Variants in NCMAP observed in about 807,000 individuals in gnomAD.
NCMAP encodes noncompact myelin-associated protein.
NCMAP carries 8 observed loss-of-function variants against 7.8 expected under a neutral mutation model. The ratio of observed to expected loss-of-function variants is 1.02; its 90% CI spans 0.60 to 1.84. The LOEUF is 1.84. Ranked by LOEUF, NCMAP falls within the 40% of genes most tolerant of loss-of-function variation. The probability of loss-of-function intolerance (pLI) is 0.00; values close to 1 mark genes in which losing one functional copy is unlikely to be tolerated. For synonymous variants in NCMAP, 41 were observed against 52.9 expected (o/e 0.78, Z 0.98); for missense variants, 112 against 131.4 (o/e 0.85, Z 0.72).
At chr1:24,583,344 G>A (rs1651792443) in intron 1 of NCMAP, among the ~76,000 whole-genome samples, 2 of 152,136 alleles carry the variant, frequency 1.3e-5, no homozygotes, top group Non-Finnish European at 1.5e-5. Context: ...GTAGTACCAA[G>A]GATGAGAAAC....
intron 1 of NCMAP, among the ~76,000 whole-genome samples, chr1:24,558,434 GCTT>G (rs1160008201): frequency 2.0e-5 from 3 of 152,174 alleles, no homozygotes; most frequent in Non-Finnish European, 4.4e-5. Flanking sequence ...CTGACCATGA[GCTT>G]CTTGTTTCAT....
chr1:24,569,424 C>A (rs1651324952), intron 1 of NCMAP, among the ~76,000 whole-genome samples: 1 of 150,558 alleles, frequency 6.6e-6, no homozygotes, highest in Non-Finnish European at 1.5e-5. Context: ...CCCATTCCCA[C>A]CCCCTCCTCC....
chr1:24,607,039 G>A lies in NCMAP; in HGVS notation c.*1292G>A, dbSNP rs2148941499. 1 of 150,474 alleles carries A rather than the reference G, an allele frequency of 6.6e-6. No homozygotes were observed. Among genetic ancestry groups the A allele is most frequent in the African/African-American group, 2.4e-5 (1 of 40,828 alleles). The allele number at this position is 150,474 out of a possible 1,614,324, so 9.3% of individuals were successfully genotyped here. A position where few individuals can be genotyped will look rare whatever the true frequency, so the allele number is the denominator to read the frequency against. On this transcript the variant is annotated 3_prime_UTR_variant, in exon 4 of 4. Coordinates refer to ENST00000374392, the MANE Select transcript of NCMAP (RefSeq NM_001010980.5). Reference sequence around the variant, plus strand: ...AGACAGAGCCTCAATCTGTCACCTGGGCTGGAGTGCAGTGGCACGCTCACA... The same window carrying A: ...AGACAGAGCCTCAATCTGTCACCTGAGCTGGAGTGCAGTGGCACGCTCACA...
At chr1:24,573,372 G>A (rs1023050693) in intron 1 of NCMAP, among the ~76,000 whole-genome samples, 1 of 150,722 alleles carries the variant, frequency 6.6e-6, no homozygotes, top group African/African-American at 2.5e-5. Context: ...CGTGGATCAC[G>A]AGGTCAGGAG....
intron 1 of NCMAP, among the ~76,000 whole-genome samples, chr1:24,585,607 G>C (rs891292054): frequency 1.3e-5 from 2 of 152,166 alleles, no homozygotes; most frequent in Non-Finnish European, 2.9e-5. Flanking sequence ...GGAAAACCAA[G>C]GTCCAGGGAA....
At chr1:24,577,638 T>C (rs1651624491) in intron 1 of NCMAP, among the ~76,000 whole-genome samples, 1 of 151,964 alleles carries the variant, frequency 6.6e-6, no homozygotes, top group Non-Finnish European at 1.5e-5. Flanking sequence ...CATTTGGAGT[T>C]GAATTTTTTC....
At chr1:24,578,426 C>T (rs1651651760) in intron 1 of NCMAP, among the ~76,000 whole-genome samples, 1 of 147,548 alleles carries the variant, frequency 6.8e-6, no homozygotes, top group Non-Finnish European at 1.5e-5. Context: ...TTCCTAGAGC[C>T]TCCACAGAGG....
At chr1:24,578,310 T>C (rs1326241208) in intron 1 of NCMAP, among the ~76,000 whole-genome samples, 5 of 151,174 alleles carry the variant, frequency 3.3e-5, no homozygotes, top group African/African-American at 1.2e-4. Flanking sequence ...GTCTATGTGC[T>C]CCCGGGGGCT....
chr1:24,592,208 C>T (rs1038911506), intron 1 of NCMAP, among the ~76,000 whole-genome samples: 7 of 152,124 alleles, frequency 4.6e-5, no homozygotes, highest in African/African-American at 9.7e-5. Context: ...GTAGAACCAG[C>T]GAGTGAAGGG....
intron 1 of NCMAP, among the ~76,000 whole-genome samples, chr1:24,582,751 ATG>A (rs1651779426): frequency 6.6e-6 from 1 of 152,236 alleles, no homozygotes; most frequent in African/African-American, 2.4e-5. Context: ...AAGAAGATTA[ATG>A]TGTGTTGTTT....
At chr1:24,561,178 C>CAAAAAAAAA (rs755072214) in intron 1 of NCMAP, among the ~76,000 whole-genome samples, 67 of 103,680 alleles carry the variant, frequency 6.5e-4, no homozygotes, top group East Asian at 1.1e-3. Context: ...ACTAAAAATA[C>CAAAAAAAAA]AAAAAAAAAA....
chr1:24,584,586 T>C (rs1415183190), intron 1 of NCMAP, among the ~76,000 whole-genome samples: 2 of 152,068 alleles, frequency 1.3e-5, no homozygotes, highest in African/African-American at 4.8e-5. Context: ...CCCAGACTTC[T>C]GGAGCCACAG....
chr1:24,560,880 C>T (rs753778063), intron 1 of NCMAP, among the ~76,000 whole-genome samples: 1 of 152,060 alleles, frequency 6.6e-6, no homozygotes, highest in Non-Finnish European at 1.5e-5. Flanking sequence ...TTGCGGAGAG[C>T]TTCTTAGGTG....
At chr1:24,594,477 C>T (rs1652152552) in intron 1 of NCMAP, among the ~76,000 whole-genome samples, 1 of 151,848 alleles carries the variant, frequency 6.6e-6, no homozygotes, top group Non-Finnish European at 1.5e-5. Flanking sequence ...TAGATGACAG[C>T]CACTTCTCAG....
At chr1:24,604,589 AAAAAAAAAAAAAAAAAATATATATATAT>A (rs1652623598) in intron 3 of NCMAP, among the ~76,000 whole-genome samples, 1 of 60,242 alleles carries the variant, frequency 1.7e-5, no homozygotes, top group Non-Finnish European at 2.8e-5. Flanking sequence ...AAAAAAAAAA[AAAAAAAAAAAAAAAAAATATATATATAT>A]ATATATATAT....
chr1:24,584,051 C>G (rs1651812347), intron 1 of NCMAP, among the ~76,000 whole-genome samples: 1 of 152,174 alleles, frequency 6.6e-6, no homozygotes, highest in Non-Finnish European at 1.5e-5. Context: ...GGCTTCCTTC[C>G]CTCCTGGCCT....
chr1:24,597,643 G>GA (rs1214582465), intron 2 of NCMAP, among the ~76,000 whole-genome samples: 18 of 126,110 alleles, frequency 1.4e-4, no homozygotes, highest in African/African-American at 5.9e-4. Flanking sequence ...AAGAAAGAAA[G>GA]AAAGAAAGAA....
At chr1:24,557,829 G>A (rs929105868) in intron 1 of NCMAP, among the ~76,000 whole-genome samples, 2 of 152,198 alleles carry the variant, frequency 1.3e-5, no homozygotes, top group Non-Finnish European at 2.9e-5. Flanking sequence ...CCAGCCAGCC[G>A]CGGCGCGTGC....
chr1:24,565,679 G>A (rs1213615692), intron 1 of NCMAP, among the ~76,000 whole-genome samples: 3 of 151,088 alleles, frequency 2.0e-5, no homozygotes, highest in Non-Finnish European at 2.9e-5. Flanking sequence ...GCTCACTGCA[G>A]CCTCCACCTC....
Sources: allele counts gnomAD v4.1 joint callset (sites outside exome capture counted in the v4.1 genomes callset), GRCh38; gene constraint gnomAD v4.1.1; transcripts MANE v1.5; gene names NCBI Gene and HGNC (gene_info 2026-07-23, HGNC 2026-07-21).